INO80D: variants seen among roughly 807,000 people sequenced by gnomAD.
The protein encoded by INO80D is INO80 complex subunit D.
INO80D carries 21 observed loss-of-function variants against 87.6 expected under a neutral mutation model. That is an observed-to-expected ratio of 0.24 (90% CI 0.17 to 0.35). INO80D has a LOEUF of 0.35. Ranked by LOEUF, INO80D falls within the 10% of genes least tolerant of loss-of-function variation. The pLI, the probability that INO80D is intolerant of heterozygous loss-of-function variation, is 1.00. For synonymous variants in INO80D, 440 were observed against 491.0 expected (o/e 0.90, Z 1.37); for missense variants, 982 against 1,280.7 (o/e 0.77, Z 3.56).
chr2:206,084,861 A>AC (rs895720984), intron 1 of INO80D: 3 of 152,102 alleles, frequency 2.0e-5, no homozygotes, highest in African/African-American at 7.2e-5. Flanking sequence ...CCTCCTTCCC[A>AC]CCCCAAAAAC....
chr2:206,047,738 A>T (rs1357777748), intron 4 of INO80D, among the ~76,000 whole-genome samples: 2 of 152,116 alleles, frequency 1.3e-5, no homozygotes, highest in African/African-American at 4.8e-5. Flanking sequence ...TAAAGTGTCA[A>T]AGGTAGAAAC....
rs1451883689 is a variant in INO80D, at chr2:206,056,405, C to CTA, written c.755_756dup (p.Ala253Ter). Reference sequence around the variant, plus strand: ...TTGTGAGACAACTGCCGTGCTTGTGCTATAGTGTGTGTGGTGGGTGCCACT... The same window carrying CTA: ...TTGTGAGACAACTGCCGTGCTTGTGCTATATAGTGTGTGTGGTGGGTGCCACT... On this transcript the variant is annotated frameshift_variant, in exon 4 of 11. Transcript: ENST00000403263. LOFTEE classifies it high-confidence loss of function. The CTA allele has an allele frequency of 6.2e-7, 1 of 1,613,698 alleles. No individual in the cohort carries two copies. The highest frequency in any genetic ancestry group is 8.5e-7 in the Non-Finnish European group (1 of 1,179,838).
rs965731170 is a variant in INO80D, at chr2:206,036,377, G to A, written c.1074-8042C>T. On this transcript the variant is annotated intron_variant, in intron 5 of 10. Transcript: ENST00000403263. Reference sequence around the variant, plus strand: ...TCAACGAGTGGATAAAGAAACTGTGGTATATGATGGAATACTACTCAGCCA... The same window carrying A: ...TCAACGAGTGGATAAAGAAACTGTGATATATGATGGAATACTACTCAGCCA... 1.4e-4 allele frequency among the ~76,000 whole-genome samples: 21 copies of A among 152,040 alleles called. 1 individual carries two copies. The highest frequency in any genetic ancestry group is 6.6e-5 in the Admixed American group (1 of 15,252).
At position 206,000,021 on chromosome 2, in the gene INO80D, A is replaced by G. The variant is rs992619165; in HGVS notation, c.*4347T>C. 3.9e-5 allele frequency: 6 copies of G among 152,226 alleles called. No homozygotes were observed. The highest frequency in any genetic ancestry group is 4.8e-5 in the African/African-American group (2 of 41,544). The allele number at this position is 152,226 out of a possible 1,614,324, so 9.4% of individuals were successfully genotyped here. A position where few individuals can be genotyped will look rare whatever the true frequency, so the allele number is the denominator to read the frequency against. The stretch of plus-strand genomic sequence containing the variant: ...TTTTGTCAGGAAAAAAATCCTTGGA[A>G]CAATGTAAATACTGGTAACAAAAGA... On this transcript the variant is annotated 3_prime_UTR_variant, in exon 11 of 11. Coordinates refer to ENST00000403263, the MANE Select transcript of INO80D (RefSeq NM_017759.5).
At chr2:206,039,810 C>CAAAAAAAAAA (rs35689223) in intron 5 of INO80D, among the ~76,000 whole-genome samples, 1 of 101,116 alleles carries the variant, frequency 9.9e-6, no homozygotes. Context: ...CCTCTGTCTC[C>CAAAAAAAAAA]AAAAAAAAAA....
intron 5 of INO80D, among the ~76,000 whole-genome samples, chr2:206,035,799 A>G (rs976861618): frequency 6.6e-6 from 1 of 152,204 alleles, no homozygotes; most frequent in Admixed American, 6.5e-5. Flanking sequence ...CAACCCACAG[A>G]GTGGGAGAAA....
chr2:206,070,577 G>A (rs575417973), intron 1 of INO80D, among the ~76,000 whole-genome samples: 65 of 152,148 alleles, frequency 4.3e-4, no homozygotes, highest in Non-Finnish European at 7.1e-4. Context: ...AAAATTAGCC[G>A]GGCATGGTGG....
chr2:205,999,668 A>G lies in INO80D; in HGVS notation c.*4700T>C, dbSNP rs555997684. On this transcript the variant is annotated 3_prime_UTR_variant, in exon 11 of 11. Transcript: ENST00000403263. ...AATGACACTGTTTATTAGAAGAGAC[A>G]TAACTATTCATTTATGTTTTATGTT... 6.6e-6 allele frequency: 1 copy of G among 152,364 alleles called. No homozygotes were observed. The highest frequency in any genetic ancestry group is 1.5e-5 in the Non-Finnish European group (1 of 68,028). 9.4% of individuals were successfully genotyped at this position (152,364 alleles called of 1,614,324 possible). A position where few individuals can be genotyped will look rare whatever the true frequency, so the allele number is the denominator to read the frequency against.
chr2:206,010,607 C>A (rs1688146457), intron 8 of INO80D, among the ~76,000 whole-genome samples: 1 of 151,786 alleles, frequency 6.6e-6, no homozygotes, highest in African/African-American at 2.4e-5. Flanking sequence ...AGATTGTAGA[C>A]CATAGTATTT....
chr2:206,019,429 T>TATAGC (rs1688401547), intron 7 of INO80D, among the ~76,000 whole-genome samples: 1 of 152,204 alleles, frequency 6.6e-6, no homozygotes, highest in African/African-American at 2.4e-5. Flanking sequence ...TAATGAGTGT[T>TATAGC]ATAGCTCCTT....
chr2:206,083,777 T>C (rs1690349139), intron 1 of INO80D, among the ~76,000 whole-genome samples: 1 of 147,238 alleles, frequency 6.8e-6, no homozygotes, highest in South Asian at 2.1e-4. Context: ...GTGGGCAGAA[T>C]GTGGGACATC....
chr2:206,039,511 T>G (rs1428392903), intron 5 of INO80D, among the ~76,000 whole-genome samples: 1 of 152,130 alleles, frequency 6.6e-6, no homozygotes, highest in African/African-American at 2.4e-5. Flanking sequence ...AAATAAACTC[T>G]TACAAATAAA....
chr2:206,065,921 A>C (rs1428806840), intron 1 of INO80D, among the ~76,000 whole-genome samples: 11 of 151,962 alleles, frequency 7.2e-5, no homozygotes, highest in Admixed American at 7.2e-4. Context: ...CAAAAAGGGA[A>C]CTCTTGTACG....
In INO80D at chr2:206,012,793, TGA is replaced by T. The variant is rs377298960; in HGVS notation, c.1543-3001_1543-3000del. Among the ~76,000 whole-genome samples, 84 of 146,866 alleles carry T rather than the reference TGA, an allele frequency of 5.7e-4. No homozygotes were observed. The East Asian group carries it at 8.6e-3, about 15-fold the overall frequency. On this transcript the variant is annotated intron_variant, in intron 8 of 10. Transcript: ENST00000403263. ...CTACTGTGGGAGAATTCCTTGAACC[TGA>T]GAGACAGAGGTTGCAGTGAGCCGAG... is the stretch of plus-strand genomic sequence containing the variant.
At chr2:206,031,451 G>A (rs1156303530) in intron 5 of INO80D, among the ~76,000 whole-genome samples, 1 of 152,134 alleles carries the variant, frequency 6.6e-6, no homozygotes, top group Non-Finnish European at 1.5e-5. Context: ...GGTAAAGCTT[G>A]GGTCGATAAT....
In INO80D at chr2:206,002,879, C is replaced by T. The variant is rs1412296765; in HGVS notation, c.*1489G>A. 1 of 152,098 alleles carries T rather than the reference C, an allele frequency of 6.6e-6. No individual in the cohort carries two copies. Among genetic ancestry groups the T allele is most frequent in the Non-Finnish European group, 1.5e-5 (1 of 68,010 alleles). The allele number at this position is 152,098 out of a possible 1,614,324, so 9.4% of individuals were successfully genotyped here. A position where few individuals can be genotyped will look rare whatever the true frequency, so the allele number is the denominator to read the frequency against. ...CAGGTATAAATAGCCAATGGTATCT[C>T]AAGGGACAGTGAAACTACTCAGCAA... On this transcript the variant is annotated 3_prime_UTR_variant, in exon 11 of 11. Transcript: ENST00000403263.
At chr2:206,045,003 T>C (rs1689157667) in intron 5 of INO80D, among the ~76,000 whole-genome samples, 1 of 151,974 alleles carries the variant, frequency 6.6e-6, no homozygotes, top group Non-Finnish European at 1.5e-5. Flanking sequence ...GGAACCTCAG[T>C]GTAAGAAAAA....
rs891598784 is a variant in INO80D at position 206,000,841 on chromosome 2, A to T, written c.*3527T>A. ...AAAAAAATAATAACCTCACTTTCCA[A>T]CTTGCTCCCCATGCCTACTATTTGT... On this transcript the variant is annotated 3_prime_UTR_variant, in exon 11 of 11. Transcript: ENST00000403263. 3 of 152,200 alleles carry T rather than the reference A, an allele frequency of 2.0e-5. No individual in the cohort carries two copies. Among genetic ancestry groups the T allele is most frequent in the Non-Finnish European group, 2.9e-5 (2 of 68,046 alleles). 9.4% of individuals were successfully genotyped at this position (152,200 alleles called of 1,614,324 possible). A position where few individuals can be genotyped will look rare whatever the true frequency, so the allele number is the denominator to read the frequency against.
chr2:206,072,200 C>T (rs545968065), intron 1 of INO80D, among the ~76,000 whole-genome samples: 3 of 152,234 alleles, frequency 2.0e-5, no homozygotes, highest in African/African-American at 7.2e-5. Flanking sequence ...CCTCTCTTGG[C>T]ATCCTCTCTT....
Sources: gnomAD v4.1 joint callset for allele counts (sites outside exome capture counted in the v4.1 genomes callset) on GRCh38, gnomAD v4.1.1 for gene constraint, MANE v1.5 for transcripts, NCBI Gene and HGNC (gene_info 2026-07-23, HGNC 2026-07-21) for gene names.